Variants in SESN2 observed in about 807,000 individuals in gnomAD.
SESN2 encodes the protein sestrin-2.
In SESN2, 42 loss-of-function variants were observed where a neutral mutation model predicts 56.0. The observed-to-expected ratio is 0.75, with a 90% CI of 0.59 to 0.97. The LOEUF (loss-of-function observed/expected upper bound fraction) is 0.97, where lower values mean the gene tolerates loss of function less well. SESN2 is among the 50% of genes least tolerant of loss of function. SESN2 has a pLI of 0.00. For missense variants in SESN2, 507 were observed against 649.4 expected, an observed-to-expected ratio of 0.78 and a Z score of 2.38; for synonymous variants, 264 against 267.1, an observed-to-expected ratio of 0.99 and a Z score of 0.11.
At chr1:28,269,743 A>C (rs894836177) in intron 2 of SESN2, among the ~76,000 whole-genome samples, 79 of 152,154 alleles carry the variant, frequency 5.2e-4, no homozygotes, top group Non-Finnish European at 8.8e-5. Context: ...GCCAATACTT[A>C]CTTTCAGTAC....
In SESN2 at chr1:28,274,129, G is replaced by T; in HGVS notation, c.991G>T (p.Ala331Ser). Residue 331 changes from alanine to serine, a missense_variant, in exon 7 of 10, where the codon GCT (alanine) becomes TCT (serine). Physicochemically the swap from Ala to Ser is moderately conservative, Grantham distance 99. Coordinates refer to ENST00000253063, the MANE Select transcript of SESN2 (RefSeq NM_031459.5). ...FGYEDFTRRG[A>S]QAPPTFRAQD... ...ATATGAGGACTTCACTCGGAGAGGG[G>T]CTCAGGCACCCCCTACCTTCCGGGC... The T allele has an allele frequency of 6.2e-7, 1 of 1,613,742 alleles. No homozygotes were observed. Among genetic ancestry groups the T allele is most frequent in the South Asian group, 1.1e-5 (1 of 91,076 alleles).
In SESN2 at chr1:28,274,059, TC is replaced by T; in HGVS notation, c.923del (p.Pro308HisfsTer44). Reference protein sequence around the residue: ...TPSADILEPSPHPDMLCFVED... With the variant: ...TPSADILEPSXHPDMLCFVED... ...CCTCAGCTGACATCCTGGAGCCCTC[TC>T]CACACCCAGACATGCTGTGCTTTGT... On this transcript the variant is annotated frameshift_variant, in exon 7 of 10. Coordinates refer to ENST00000253063, the MANE Select transcript of SESN2 (RefSeq NM_031459.5). LOFTEE classifies it high-confidence loss of function. The T allele has an allele frequency of 1.2e-6, 2 of 1,613,846 alleles. No individual in the cohort carries two copies. The highest frequency in any genetic ancestry group is 1.7e-6 in the Non-Finnish European group (2 of 1,179,758).
rs992021258 is a variant in SESN2 at position 28,281,206 on chromosome 1, C to G, written c.*404C>G. ...GGCAAATGCCTCCGGGACTGACACT[C>G]CAGGCAGCTTTGCCTTCTCTCCCCT... On this transcript the variant is annotated 3_prime_UTR_variant, in exon 10 of 10. Coordinates refer to ENST00000253063, the MANE Select transcript of SESN2 (RefSeq NM_031459.5). 9 of 170,392 alleles carry G rather than the reference C, an allele frequency of 5.3e-5. No homozygotes were observed. Among genetic ancestry groups the G allele is most frequent in the African/African-American group, 2.1e-4 (9 of 42,044 alleles). The allele number at this position is 170,392 out of a possible 1,614,324, so 10.6% of individuals were successfully genotyped here. A position where few individuals can be genotyped will look rare whatever the true frequency, so the allele number is the denominator to read the frequency against.
rs950161283 is a variant in SESN2 at position 28,281,228 on chromosome 1, C to G, written c.*426C>G. The G allele has an allele frequency of 6.1e-6, 1 of 163,580 alleles. No individual in the cohort carries two copies. The highest frequency in any genetic ancestry group is 2.4e-5 in the African/African-American group (1 of 41,780). 10.1% of individuals were successfully genotyped at this position (163,580 alleles called of 1,614,324 possible). On this transcript the variant is annotated 3_prime_UTR_variant, in exon 10 of 10. Transcript: ENST00000253063. ...ACTCCAGGCAGCTTTGCCTTCTCTC[C>G]CCTGTCATTTCCAGATTTCATTACC...
At chr1:28,267,807 C>T (rs960480320) in intron 1 of SESN2, among the ~76,000 whole-genome samples, 2 of 152,130 alleles carry the variant, frequency 1.3e-5, no homozygotes, top group African/African-American at 4.8e-5. Flanking sequence ...CCTTGTACAC[C>T]CTGCTCAGAT....
chr1:28,265,940 C>T (rs966629151), intron 1 of SESN2, among the ~76,000 whole-genome samples: 1 of 152,194 alleles, frequency 6.6e-6, no homozygotes, highest in Non-Finnish European at 1.5e-5. Flanking sequence ...CACTCTCCCT[C>T]CCCATCATAC....
chr1:28,259,872 C>G lies in SESN2; in HGVS notation c.25C>G (p.Arg9Gly), dbSNP rs2149034475. Reference sequence around the variant, plus strand: ...CATGATCGTGGCGGACTCCGAGTGCCGCGCAGAGCTCAAGGACTACCTGCG... The same window carrying G: ...CATGATCGTGGCGGACTCCGAGTGCGGCGCAGAGCTCAAGGACTACCTGCG... MIVADSEC[R>G]AELKDYLRFA... is the part of the protein sequence containing the mutation. Residue 9 changes from arginine to glycine, a missense_variant, in exon 1 of 10, where the codon CGC becomes GGC. By Grantham distance (125) the Arg-to-Gly change is moderately radical (BLOSUM62 -2). Coordinates refer to ENST00000253063, the MANE Select transcript of SESN2 (RefSeq NM_031459.5). The G allele has an allele frequency of 7.1e-7, 1 of 1,412,560 alleles. No individual in the cohort carries two copies. Among genetic ancestry groups the G allele is most frequent in the Non-Finnish European group, 9.2e-7 (1 of 1,084,580 alleles). The allele number at this position is 1,412,560 out of a possible 1,614,324, so 87.5% of individuals were successfully genotyped here.
chr1:28,277,099 G>C (rs1338531320), intron 8 of SESN2, among the ~76,000 whole-genome samples: 1 of 151,288 alleles, frequency 6.6e-6, no homozygotes, highest in Non-Finnish European at 1.5e-5. Flanking sequence ...AGCAGAGATG[G>C]GGTTTCAGCC....
intron 9 of SESN2, 74 bp downstream of exon 9, chr1:28,279,315 C>T: frequency 6.7e-7 from 1 of 1,500,676 alleles, no homozygotes; most frequent in Admixed American, 1.8e-5. Flanking sequence ...GGTTAGGACC[C>T]AGTGAGAGTC....
At chr1:28,265,001 C>A (rs901731567) in intron 1 of SESN2, among the ~76,000 whole-genome samples, 5 of 152,320 alleles carry the variant, frequency 3.3e-5, no homozygotes, top group African/African-American at 1.2e-4. Context: ...TGGGTTGTAT[C>A]CCAGCCCTGC....
At chr1:28,271,965 T>C (rs928516774) in intron 3 of SESN2, 94 bp downstream of exon 3, 6 of 1,246,360 alleles carry the variant, frequency 4.8e-6, no homozygotes, top group Admixed American at 3.6e-5. Flanking sequence ...GCTGATTCCA[T>C]AGACAAGCAG....
At chr1:28,275,430 G>A (rs565356199) in intron 8 of SESN2, among the ~76,000 whole-genome samples, 3 of 152,196 alleles carry the variant, frequency 2.0e-5, no homozygotes, top group South Asian at 4.1e-4. Flanking sequence ...ATAATGATAC[G>A]TCTATTCAGT....
At chr1:28,272,943 C>T in intron 5 of SESN2, 150 bp downstream of exon 5, 1 of 604,640 alleles carries the variant, frequency 1.7e-6, no homozygotes. Context: ...GCTTAGTTTC[C>T]TCATCTGTGA....
chr1:28,260,348 G>T (rs966021983), intron 1 of SESN2, among the ~76,000 whole-genome samples: 1 of 152,028 alleles, frequency 6.6e-6, no homozygotes, highest in Non-Finnish European at 1.5e-5. Context: ...GCCCCCTTCC[G>T]CGGAGTCCCT....
chr1:28,273,503 C>T lies in SESN2; in HGVS notation c.896C>T (p.Pro299Leu), dbSNP rs1242575706. The T allele has an allele frequency of 1.2e-6, 2 of 1,603,472 alleles. No homozygotes were observed. Among genetic ancestry groups the T allele is most frequent in the Non-Finnish European group, 1.7e-6 (2 of 1,175,564 alleles). ...LEKSESLLVT[P>L]SADILEPSPH... ...AAGTCAGAGAGCCTGCTGGTGACCC[C>T]CTCAGGTACAGGGTCACAGGCATCC... The change falls in exon 6 of 10, where the codon CCC (proline) becomes CTC (leucine). Residue 299 changes from proline to leucine, a missense_variant. Transcript: ENST00000253063.
At chr1:28,272,524 G>A in intron 4 of SESN2, 57 bp from the exon 5 acceptor site, 1 of 1,608,828 alleles carries the variant, frequency 6.2e-7, no homozygotes, top group Non-Finnish European at 8.5e-7. Context: ...CTGGTGCCTG[G>A]TGGGTAACCC....
At chr1:28,266,303 G>T (rs556718382) in intron 1 of SESN2, among the ~76,000 whole-genome samples, 23 of 152,126 alleles carry the variant, frequency 1.5e-4, no homozygotes, top group Non-Finnish European at 2.9e-4. Context: ...CTAATGTACC[G>T]CTTGGGTTGA....
intron 8 of SESN2, among the ~76,000 whole-genome samples, chr1:28,277,011 A>G (rs1398531716): frequency 1.3e-5 from 2 of 151,266 alleles, no homozygotes; most frequent in African/African-American, 2.4e-5. Flanking sequence ...GGTTCAAGCA[A>G]TTCTCCCTGC....
chr1:28,274,164 GCT>G lies in SESN2; in HGVS notation c.1020+13_1020+14del. The G allele has an allele frequency of 6.4e-7, 1 of 1,566,520 alleles. No homozygotes were observed. The highest frequency in any genetic ancestry group is 8.8e-7 in the Non-Finnish European group (1 of 1,136,554). On this transcript the variant is annotated splice_region_variant and intron_variant, in intron 7 of 9. Coordinates refer to ENST00000253063, the MANE Select transcript of SESN2 (RefSeq NM_031459.5). Reference sequence around the variant, plus strand: ...CCCCTACCTTCCGGGCCCAGGTAGGGCTCTCTCTACTAGTCTTGGCCATTGCT... The same window carrying G: ...CCCCTACCTTCCGGGCCCAGGTAGGGCTCTCTACTAGTCTTGGCCATTGCT...
Sources: gnomAD v4.1 joint callset for allele counts (sites outside exome capture counted in the v4.1 genomes callset) on GRCh38, gnomAD v4.1.1 for gene constraint, MANE v1.5 for transcripts, NCBI Gene and HGNC (gene_info 2026-07-23, HGNC 2026-07-21) for gene names.